ZNF454: variants seen among roughly 807,000 people sequenced by gnomAD.
ZNF454 encodes zinc finger protein 454.
Under a neutral mutation model 48.2 loss-of-function variants are expected in ZNF454, and 30 were observed. The observed-to-expected ratio is 0.62, with a 90% CI of 0.47 to 0.84. ZNF454 has a LOEUF of 0.84. Ranked by LOEUF, ZNF454 falls within the 40% of genes least tolerant of loss-of-function variation. ZNF454 has a pLI of 0.00. For missense variants in ZNF454, 510 were observed against 623.1 expected (o/e 0.82, Z 1.93); for synonymous variants, 204 against 211.4 (o/e 0.97, Z 0.30).
the ZNF454 span, chr5:178,989,200 T>TA: frequency 1.5e-6 from 2 of 1,333,658 alleles, no homozygotes; most frequent in Non-Finnish European, 2.1e-6. Flanking sequence ...CCTCCCGCCT[T>TA]CCCCCTCCCC....
chr5:178,987,281 A>G, the ZNF454 span: 2,811 of 557,082 alleles, frequency 5.0e-3, 59 homozygotes, highest in African/African-American at 0.046. Flanking sequence ...CAAAAGATTA[A>G]ACACATGACC....
chr5:178,954,721 T>C (rs57272473), intron 4 of ZNF454, among the ~76,000 whole-genome samples: 82,136 of 152,086 alleles, frequency 0.54, 22,715 homozygotes, highest in Admixed American at 0.61. Flanking sequence ...TGTTAATTCC[T>C]TCCCCTGCCC....
chr5:178,970,204 A>C (rs1358003234), downstream of ZNF454, among the ~76,000 whole-genome samples: 3 of 151,964 alleles, frequency 2.0e-5, no homozygotes, highest in African/African-American at 7.3e-5. Flanking sequence ...GCCTCCCCTT[A>C]TCTGATTCCT....
chr5:178,960,894 A>G (rs1219986475), intron 4 of ZNF454, among the ~76,000 whole-genome samples: 1 of 149,178 alleles, frequency 6.7e-6, no homozygotes, highest in Non-Finnish European at 1.5e-5. Flanking sequence ...TTTCTAAATG[A>G]TACTCAGTTA....
At chr5:178,963,236 T>G (rs903981) in intron 4 of ZNF454, among the ~76,000 whole-genome samples, 78,257 of 151,450 alleles carry the variant, frequency 0.52, 21,235 homozygotes, top group Non-Finnish European at 0.59. Flanking sequence ...ATTTTCTAGT[T>G]GTTTTCTGCA....
At chr5:178,953,206 C>A (rs927515997) in intron 4 of ZNF454, among the ~76,000 whole-genome samples, 2 of 151,994 alleles carry the variant, frequency 1.3e-5, no homozygotes, top group Non-Finnish European at 2.9e-5. Flanking sequence ...GTGACTCCTG[C>A]TTGTTGGATT....
chr5:178,948,815 A>G (rs964833186), intron 4 of ZNF454, among the ~76,000 whole-genome samples: 2 of 149,260 alleles, frequency 1.3e-5, no homozygotes, highest in African/African-American at 4.9e-5. Context: ...TATATTTTAT[A>G]TAAATTATTC....
At chr5:178,975,029 C>T in the ZNF454 span, among the ~76,000 whole-genome samples, 27 of 152,170 alleles carry the variant, frequency 1.8e-4, no homozygotes, top group African/African-American at 6.3e-4. Context: ...TGTTTCTGGC[C>T]GGGGGCAGTG....
chr5:178,987,140 C>T, the ZNF454 span: 9 of 778,322 alleles, frequency 1.2e-5, no homozygotes, highest in African/African-American at 1.2e-4. Flanking sequence ...TCCCCCTTCA[C>T]CCATTGGGAT....
the ZNF454 span, chr5:178,985,651 T>C: frequency 2.7e-3 from 1,015 of 382,490 alleles, 11 homozygotes; most frequent in South Asian, 8.3e-3. Flanking sequence ...TGCAGGGAGC[T>C]GAGATAGTGC....
chr5:178,989,037 T>C, the ZNF454 span: 1 of 1,613,950 alleles, frequency 6.2e-7, no homozygotes, highest in African/African-American at 1.3e-5. Context: ...GCCTGGTGCA[T>C]GCTGTGGAGG....
the ZNF454 span, chr5:178,980,913 T>C: frequency 6.5e-6 from 1 of 152,778 alleles, no homozygotes; most frequent in Non-Finnish European, 1.5e-5. The surrounding 1 kb of genome is among the most constrained non-coding windows in gnomAD (Gnocchi z 4.3). Context: ...GGATTACAGG[T>C]GTGAGCCACC....
the ZNF454 span, among the ~76,000 whole-genome samples, chr5:178,973,250 C>A: frequency 6.6e-6 from 1 of 151,854 alleles, no homozygotes; most frequent in Non-Finnish European, 1.5e-5. Context: ...ATGCAGGGGA[C>A]CTTGGCAGGA....
At chr5:178,981,602 C>T in the ZNF454 span, 237 of 1,399,816 alleles carry the variant, frequency 1.7e-4, no homozygotes, top group Non-Finnish European at 2.3e-4. This position sits in a 1 kb window ranked among gnomAD's most constrained non-coding sequence, Gnocchi z 5.1. Flanking sequence ...GCTTCCACCT[C>T]GAGGCAAGAG....
At chr5:178,954,428 T>C (rs937814960) in intron 4 of ZNF454, among the ~76,000 whole-genome samples, 4 of 152,206 alleles carry the variant, frequency 2.6e-5, no homozygotes, top group African/African-American at 9.6e-5. Flanking sequence ...ACACCCTAGA[T>C]TGGTCTTCTA....
In ZNF454 at chr5:178,965,695, CAG is replaced by C. The variant is rs1760126688; in HGVS notation, c.1295_1296del (p.Arg432AsnfsTer11). 6.2e-7 allele frequency: 1 copy of C among 1,614,054 alleles called. No homozygotes were observed. The highest frequency in any genetic ancestry group is 1.1e-5 in the South Asian group (1 of 91,082). ...FRDQSALAQH[Q>X]RIHTGEKPYT... Reference sequence around the variant, plus strand: ...GGACCAATCAGCACTAGCCCAACATCAGAGAATTCATACTGGGGAAAAACCTT... The same window carrying C: ...GGACCAATCAGCACTAGCCCAACATCAGAATTCATACTGGGGAAAAACCTT... On this transcript the variant is annotated frameshift_variant, in exon 5 of 5. Coordinates refer to ENST00000519564, the MANE Select transcript of ZNF454 (RefSeq NM_001178089.3). LOFTEE classifies it high-confidence loss of function. The surrounding 1 kb of genome is among the most constrained non-coding windows in gnomAD (Gnocchi z 5.2).
At chr5:178,977,485 A>G in the ZNF454 span, 51 of 453,368 alleles carry the variant, frequency 1.1e-4, no homozygotes, top group African/African-American at 9.8e-4. Context: ...CACTGAGTCT[A>G]TGGTACTCTT....
the ZNF454 span, among the ~76,000 whole-genome samples, chr5:178,984,029 C>G: frequency 6.6e-6 from 1 of 152,220 alleles, no homozygotes; most frequent in African/African-American, 2.4e-5. Context: ...GTCATCTGCC[C>G]ACCCAGAAGC....
chr5:178,944,652 C>T lies in ZNF454; in HGVS notation c.34-1707C>T, dbSNP rs1759241551. Among the ~76,000 whole-genome samples, 1 of 152,152 alleles carries T rather than the reference C, an allele frequency of 6.6e-6. No homozygotes were observed. The highest frequency in any genetic ancestry group is 2.4e-5 in the African/African-American group (1 of 41,446). On this transcript the variant is annotated intron_variant, in intron 2 of 4. Coordinates refer to ENST00000519564, the MANE Select transcript of ZNF454 (RefSeq NM_001178089.3). This position sits in a 1 kb window ranked among gnomAD's most constrained non-coding sequence, Gnocchi z 4.1. ...GACTGGAAAGATATGGAGGTGTTCCCCCAAATGCAAAGGCAAAGACACAGC... is the reference window on the plus strand; with the variant it reads ...GACTGGAAAGATATGGAGGTGTTCCTCCAAATGCAAAGGCAAAGACACAGC...
Sources: allele counts gnomAD v4.1 joint callset (sites outside exome capture counted in the v4.1 genomes callset), GRCh38; gene constraint gnomAD v4.1.1; non-coding constraint Gnocchi (gnomAD v3.1); transcripts MANE v1.5; gene names NCBI Gene and HGNC (gene_info 2026-07-23, HGNC 2026-07-21).